The following RAPGEF4 variants were observed in gnomAD, a reference collection of about 807,000 sequenced individuals.
RAPGEF4 encodes the protein RAP guanine-nucleotide-exchange factor (GEF) 4.
Under a neutral mutation model 147.9 loss-of-function variants are expected in RAPGEF4, and 66 were observed. The observed-to-expected ratio is 0.45, with a 90% CI of 0.37 to 0.55. The LOEUF (loss-of-function observed/expected upper bound fraction) is 0.55. Among genes scored for constraint, RAPGEF4 ranks in the 20% least tolerant of loss-of-function variants. RAPGEF4 has a pLI of 0.00. For missense variants in RAPGEF4, 1,071 were observed against 1,257.3 expected (o/e 0.85, Z 2.24); for synonymous variants, 419 against 442.7 (o/e 0.95, Z 0.67).
At chr2:172,802,564 G>A (rs6728688) in intron 3 of RAPGEF4, among the ~76,000 whole-genome samples, 148,150 of 152,322 alleles carry the variant, frequency 0.97, 72,182 homozygotes, top group East Asian at 1. Flanking sequence ...ATAATTCAAG[G>A]TGAGATTTAG....
intron 6 of RAPGEF4, among the ~76,000 whole-genome samples, chr2:172,925,895 AAAG>A (rs1361841487): frequency 1.4e-5 from 2 of 147,236 alleles, no homozygotes; most frequent in South Asian, 4.5e-4. Flanking sequence ...GAAAGGAAAG[AAAG>A]AAGAAAGAGA....
intron 14 of RAPGEF4, 34 bp downstream of exon 14, chr2:172,988,873 C>T: frequency 1.2e-6 from 2 of 1,600,972 alleles, no homozygotes; most frequent in Non-Finnish European, 8.5e-7. Flanking sequence ...TGAGAGACAG[C>T]CCATTTTTTT....
At chr2:172,954,830 A>G (rs1300024190) in intron 6 of RAPGEF4, among the ~76,000 whole-genome samples, 2 of 152,214 alleles carry the variant, frequency 1.3e-5, no homozygotes, top group African/African-American at 2.4e-5. Flanking sequence ...GGGGATTTGA[A>G]ATCCAAAATG....
At chr2:172,864,945 G>T (rs1252565749) in intron 4 of RAPGEF4, among the ~76,000 whole-genome samples, 1 of 152,150 alleles carries the variant, frequency 6.6e-6, no homozygotes, top group Non-Finnish European at 1.5e-5. Context: ...AAGATTTATG[G>T]AGTGACTCCT....
At chr2:172,818,490 C>T (rs1024754334) in intron 4 of RAPGEF4, among the ~76,000 whole-genome samples, 1 of 152,138 alleles carries the variant, frequency 6.6e-6, no homozygotes, top group South Asian at 2.1e-4. Context: ...AATTAGAGAC[C>T]CTGAATCAGA....
At chr2:173,039,302 A>C (rs1188591875) in intron 29 of RAPGEF4, among the ~76,000 whole-genome samples, 1 of 73,538 alleles carries the variant, frequency 1.4e-5, no homozygotes, top group African/African-American at 5.8e-5. Flanking sequence ...CTAAAAATAC[A>C]AAAAAAAAAA....
chr2:172,891,905 C>T (rs1350663717), intron 4 of RAPGEF4, among the ~76,000 whole-genome samples: 1 of 152,186 alleles, frequency 6.6e-6, no homozygotes, highest in Non-Finnish European at 1.5e-5. Context: ...ATTATCAAAG[C>T]CCAAGAGAGG....
intron 1 of RAPGEF4, among the ~76,000 whole-genome samples, chr2:172,789,436 A>T (rs1049887739): frequency 6.6e-6 from 1 of 152,172 alleles, no homozygotes; most frequent in African/African-American, 2.4e-5. Context: ...TTTACAAATG[A>T]TTCTTTTTAA....
intron 4 of RAPGEF4, among the ~76,000 whole-genome samples, chr2:172,895,697 C>G (rs933559593): frequency 2.0e-5 from 3 of 152,044 alleles, no homozygotes; most frequent in Admixed American, 6.6e-5. Flanking sequence ...GTTCAGGTCA[C>G]CAAGGGCACT....
chr2:172,805,258 G>T (rs1433818085), intron 3 of RAPGEF4, among the ~76,000 whole-genome samples: 1 of 152,190 alleles, frequency 6.6e-6, no homozygotes, highest in African/African-American at 2.4e-5. Flanking sequence ...GCCTCTCGGA[G>T]ACCCTCCCTT....
At chr2:172,931,727 A>G (rs1013531504) in intron 6 of RAPGEF4, among the ~76,000 whole-genome samples, 7 of 152,204 alleles carry the variant, frequency 4.6e-5, no homozygotes, top group African/African-American at 1.2e-4. Context: ...TCGGAGAGTC[A>G]TGGATGTTAT....
chr2:172,963,669 A>G (rs746254837), intron 8 of RAPGEF4, among the ~76,000 whole-genome samples: 26 of 152,268 alleles, frequency 1.7e-4, no homozygotes, highest in African/African-American at 4.1e-4. Context: ...ACAGGACTCA[A>G]CTGGAAGCCA....
At chr2:172,773,007 G>T (rs1386429525) in intron 1 of RAPGEF4, among the ~76,000 whole-genome samples, 1 of 152,066 alleles carries the variant, frequency 6.6e-6, no homozygotes, top group South Asian at 2.1e-4. Flanking sequence ...CCACTTCCAT[G>T]TGAATGACTG....
chr2:173,015,388 A>C (rs1372822865), intron 18 of RAPGEF4, among the ~76,000 whole-genome samples: 1 of 152,196 alleles, frequency 6.6e-6, no homozygotes, highest in African/African-American at 2.4e-5. Flanking sequence ...GTTCAGGCAA[A>C]AGGCAATGTT....
intron 6 of RAPGEF4, among the ~76,000 whole-genome samples, chr2:172,928,752 A>G (rs1205131049): frequency 6.6e-6 from 1 of 152,120 alleles, no homozygotes; most frequent in African/African-American, 2.4e-5. Context: ...TGCTCCCTCC[A>G]TCTTCAGTCA....
At chr2:172,991,557 C>T (rs905450641) in intron 15 of RAPGEF4, among the ~76,000 whole-genome samples, 1 of 152,168 alleles carries the variant, frequency 6.6e-6, no homozygotes, top group African/African-American at 2.4e-5. Flanking sequence ...AAGACTGCAT[C>T]AAATGTACCA....
At chr2:172,799,779 G>A (rs1170439585) in intron 3 of RAPGEF4, among the ~76,000 whole-genome samples, 6 of 151,432 alleles carry the variant, frequency 4.0e-5, no homozygotes, top group Non-Finnish European at 8.8e-5. Flanking sequence ...ATCTCGAGAA[G>A]GAGAGAGAAG....
At chr2:172,968,120 A>G (rs74810233) in intron 10 of RAPGEF4, among the ~76,000 whole-genome samples, 9,261 of 152,244 alleles carry the variant, frequency 0.061, 362 homozygotes, top group South Asian at 0.13. Flanking sequence ...GCACTCCACA[A>G]ATTGCTATGG....
At chr2:172,801,772 T>G (rs1302750635) in intron 3 of RAPGEF4, among the ~76,000 whole-genome samples, 4 of 152,074 alleles carry the variant, frequency 2.6e-5, no homozygotes, top group African/African-American at 7.2e-5. Context: ...GGTGGGGAGC[T>G]GAGCCAGCCA....
Sources: allele counts gnomAD v4.1 joint callset (sites outside exome capture counted in the v4.1 genomes callset), GRCh38; gene constraint gnomAD v4.1.1; transcripts MANE v1.5; gene names NCBI Gene and HGNC (gene_info 2026-07-23, HGNC 2026-07-21).